VAT1L: variants seen among roughly 807,000 people sequenced by gnomAD.
The protein encoded by VAT1L is putative NADPH-dependent quinone oxidoreductase VAT1L.
Under a neutral mutation model 44.1 loss-of-function variants are expected in VAT1L, and 34 were observed. That is an observed-to-expected ratio of 0.77 (90% CI 0.59 to 1.03). The LOEUF is 1.03. Ranked by LOEUF, VAT1L falls within the 50% of genes least tolerant of loss-of-function variation. The pLI is 0.00. For synonymous variants in VAT1L, 253 were observed against 202.2 expected (o/e 1.25, Z -2.13); for missense variants, 615 against 538.8 (o/e 1.14, Z -1.40).
chr16:77,968,593 C>A (rs1475549865), intron 7 of VAT1L, among the ~76,000 whole-genome samples: 1 of 150,766 alleles, frequency 6.6e-6, no homozygotes, highest in Non-Finnish European at 1.5e-5. Flanking sequence ...GGCGTGGTGG[C>A]AGGCGCCTGT....
chr16:77,870,636 A>G (rs896191294), intron 4 of VAT1L, among the ~76,000 whole-genome samples: 2 of 152,224 alleles, frequency 1.3e-5, no homozygotes, highest in African/African-American at 4.8e-5. Flanking sequence ...AATTTGGCTC[A>G]TATAATCCCC....
At chr16:77,960,222 G>A (rs2018146330) in intron 7 of VAT1L, among the ~76,000 whole-genome samples, 1 of 152,116 alleles carries the variant, frequency 6.6e-6, no homozygotes, top group African/African-American at 2.4e-5. Flanking sequence ...GTAGGGGGTT[G>A]GCTTGCTTGC....
intron 1 of VAT1L, among the ~76,000 whole-genome samples, chr16:77,795,061 G>T (rs1343523055): frequency 6.6e-6 from 1 of 152,122 alleles, no homozygotes; most frequent in African/African-American, 2.4e-5. Flanking sequence ...CCCATCATTT[G>T]AACCCACTGT....
At position 77,864,531 on chromosome 16, in the gene VAT1L, G is replaced by A. The variant is rs537295206; in HGVS notation, c.722+1641G>A. Among the ~76,000 whole-genome samples the A allele has an allele frequency of 3.9e-5, 6 of 152,296 alleles. No homozygotes were observed. The South Asian group carries it at 6.2e-4, about 16-fold the overall frequency. On this transcript the variant is annotated intron_variant, in intron 4 of 8. Transcript: ENST00000302536. Reference sequence around the variant, plus strand: ...TGAGGTGGGTGGATCGCTTGATCCCGAGAGGTAGAGGTTGCAGTGAGCTGA... The same window carrying A: ...TGAGGTGGGTGGATCGCTTGATCCCAAGAGGTAGAGGTTGCAGTGAGCTGA...
In VAT1L at chr16:77,876,489, C is replaced by G. The variant is rs1202926108; in HGVS notation, c.826+16C>G. 2 of 1,609,888 alleles carry G rather than the reference C, an allele frequency of 1.2e-6. No individual in the cohort carries two copies. The highest frequency in any genetic ancestry group is 2.7e-5 in the African/African-American group (2 of 74,854). On this transcript the variant is annotated intron_variant, in intron 5 of 8. Coordinates refer to ENST00000302536, the MANE Select transcript of VAT1L (RefSeq NM_020927.3). ...ATTTTATATGGTGAGTGCAAAACAG[C>G]AGCAGGGACGTGGTCAGCAATAGGT... is the stretch of plus-strand genomic sequence containing the variant.
chr16:77,949,740 C>T (rs1271571230), intron 7 of VAT1L, among the ~76,000 whole-genome samples: 1 of 152,206 alleles, frequency 6.6e-6, no homozygotes, highest in Non-Finnish European at 1.5e-5. Flanking sequence ...CTCAATCTTC[C>T]AGCCTCCACA....
chr16:77,932,456 CT>C (rs2142503519), intron 7 of VAT1L, among the ~76,000 whole-genome samples: 1 of 152,278 alleles, frequency 6.6e-6, no homozygotes, highest in African/African-American at 2.4e-5. Context: ...AGATAGGTTT[CT>C]TTCCTGCAGG....
intron 3 of VAT1L, among the ~76,000 whole-genome samples, chr16:77,851,461 C>A (rs891579502): frequency 6.6e-6 from 1 of 152,070 alleles, no homozygotes; most frequent in Non-Finnish European, 1.5e-5. Flanking sequence ...CCAGCCTGGG[C>A]AACATAGTGA....
chr16:77,788,948 T>G, intron 1 of VAT1L, 33 bp downstream of exon 1: 2 of 1,444,316 alleles, frequency 1.4e-6, no homozygotes, highest in South Asian at 2.9e-5. Context: ...GCTTTCTCTC[T>G]TTTTGCGCGC....
At chr16:77,941,740 C>G (rs1253110683) in intron 7 of VAT1L, among the ~76,000 whole-genome samples, 1 of 152,110 alleles carries the variant, frequency 6.6e-6, no homozygotes, top group Non-Finnish European at 1.5e-5. Flanking sequence ...CACCATGCCA[C>G]CAAGCCTGGC....
At chr16:77,836,245 C>T (rs535033484) in intron 3 of VAT1L, among the ~76,000 whole-genome samples, 3 of 152,192 alleles carry the variant, frequency 2.0e-5, no homozygotes, top group African/African-American at 7.2e-5. Flanking sequence ...TGACACTATA[C>T]CACACAGTGG....
intron 7 of VAT1L, among the ~76,000 whole-genome samples, chr16:77,920,876 C>G (rs1283526259): frequency 6.6e-6 from 1 of 152,098 alleles, no homozygotes; most frequent in Non-Finnish European, 1.5e-5. Context: ...TAACAAAACC[C>G]CCTAACCATG....
chr16:77,970,076 G>T (rs1447292190), intron 7 of VAT1L, among the ~76,000 whole-genome samples: 9 of 115,820 alleles, frequency 7.8e-5, no homozygotes, highest in South Asian at 2.9e-4. Context: ...AAAAAAAAAA[G>T]GCAAAAAATT....
chr16:77,960,986 T>G (rs983249593), intron 7 of VAT1L, among the ~76,000 whole-genome samples: 2 of 152,038 alleles, frequency 1.3e-5, no homozygotes, highest in Non-Finnish European at 2.9e-5. Flanking sequence ...CTCCAATGGG[T>G]TGCAATCCAC....
chr16:77,877,232 C>T (rs891891330), intron 5 of VAT1L, among the ~76,000 whole-genome samples: 10 of 152,022 alleles, frequency 6.6e-5, no homozygotes, highest in Admixed American at 1.3e-4. Flanking sequence ...CTCCACAGGC[C>T]GGGCGCAGTG....
chr16:77,828,902 C>G (rs991836725), intron 3 of VAT1L, among the ~76,000 whole-genome samples: 8 of 152,094 alleles, frequency 5.3e-5, no homozygotes, highest in African/African-American at 1.9e-4. Context: ...GCCCTTCAGA[C>G]CTCTAGCAAT....
intron 4 of VAT1L, among the ~76,000 whole-genome samples, chr16:77,865,604 G>A (rs1348418581): frequency 6.6e-6 from 1 of 152,184 alleles, no homozygotes; most frequent in African/African-American, 2.4e-5. Context: ...GAAATGCAAG[G>A]TGCTATCGAA....
intron 7 of VAT1L, among the ~76,000 whole-genome samples, chr16:77,924,539 C>T (rs2142496763): frequency 6.6e-6 from 1 of 152,258 alleles, no homozygotes; most frequent in Admixed American, 6.5e-5. Flanking sequence ...CGGCTCACTG[C>T]AACCTCCGCC....
chr16:77,860,299 G>A (rs911010929), intron 3 of VAT1L, among the ~76,000 whole-genome samples: 13 of 152,120 alleles, frequency 8.5e-5, no homozygotes, highest in Non-Finnish European at 1.0e-4. Context: ...AGATGGCCAC[G>A]AGTTAGGTTT....
Sources: gnomAD v4.1 joint callset for allele counts (sites outside exome capture counted in the v4.1 genomes callset) on GRCh38, gnomAD v4.1.1 for gene constraint, MANE v1.5 for transcripts, NCBI Gene and HGNC (gene_info 2026-07-23, HGNC 2026-07-21) for gene names.